Variants in JAK1 observed in about 807,000 individuals in gnomAD.
JAK1 encodes the protein tyrosine-protein kinase JAK1.
In JAK1, 16 loss-of-function variants were observed where a neutral mutation model predicts 136.6. The ratio of observed to expected loss-of-function variants is 0.12; its 90% CI spans 0.08 to 0.18. The LOEUF (loss-of-function observed/expected upper bound fraction) is 0.18. Among genes scored for constraint, JAK1 ranks in the 10% least tolerant of loss-of-function variants. The pLI, the probability that JAK1 is intolerant of heterozygous loss-of-function variation, is 1.00. For synonymous variants in JAK1, 492 were observed against 519.5 expected, an observed-to-expected ratio of 0.95 and a Z score of 0.72; for missense variants, 859 against 1,450.1, an observed-to-expected ratio of 0.59 and a Z score of 6.62.
chr1:64,839,296 T>C (rs956560649), intron 20 of JAK1, among the ~76,000 whole-genome samples: 8 of 152,304 alleles, frequency 5.3e-5, no homozygotes, highest in Admixed American at 3.9e-4. Context: ...CTGGCTAGTA[T>C]TGGATCAGAA....
intron 1 of JAK1, among the ~76,000 whole-genome samples, chr1:64,929,534 A>T (rs1203905867): frequency 6.6e-6 from 1 of 152,222 alleles, no homozygotes; most frequent in African/African-American, 2.4e-5. Flanking sequence ...AACCCAAGTT[A>T]AAATTCAGTG....
At chr1:64,944,406 G>T (rs1294175831) in intron 1 of JAK1, among the ~76,000 whole-genome samples, 1 of 152,082 alleles carries the variant, frequency 6.6e-6, no homozygotes, top group African/African-American at 2.4e-5. Flanking sequence ...CTTTTGGAGA[G>T]CAATGTGTAC....
intron 2 of JAK1, among the ~76,000 whole-genome samples, chr1:65,019,902 CGA>C (rs1264703856): frequency 2.2e-5 from 3 of 136,114 alleles, no homozygotes; most frequent in Admixed American, 7.5e-5. Context: ...GGTGACAGAG[CGA>C]GACTCTGTCT....
chr1:65,024,675 AAAAAAG>A (rs1385045602), intron 2 of JAK1, among the ~76,000 whole-genome samples: 2 of 151,134 alleles, frequency 1.3e-5, no homozygotes, highest in African/African-American at 2.4e-5. Flanking sequence ...AAAAAAAAAA[AAAAAAG>A]AAAGAAAAAA....
chr1:64,850,754 C>G (rs1295897627), intron 12 of JAK1, 50 bp downstream of exon 12: 1 of 1,242,846 alleles, frequency 8.0e-7, no homozygotes, highest in Non-Finnish European at 1.2e-6. Flanking sequence ...GCTGCTCCAT[C>G]GTGGGGAGGC....
chr1:64,864,856 G>A lies in JAK1; in HGVS notation c.1107C>T (p.Phe369=), dbSNP rs2101102251. Residue 369 remains phenylalanine (F), a synonymous_variant, in exon 8 of 25, where the codon TTC becomes TTT. Coordinates refer to ENST00000342505, the MANE Select transcript of JAK1 (RefSeq NM_002227.4). ...IREEWNNFSY[F]PEITHIVIKE... ...TTATTACAATGTGAGTGATTTCAGG[G>A]AAGTAAGAAAAATTGTTCCACTCTT... The A allele has an allele frequency of 6.2e-7, 1 of 1,613,848 alleles. No individual in the cohort carries two copies. Among genetic ancestry groups the A allele is most frequent in the Non-Finnish European group, 8.5e-7 (1 of 1,179,764 alleles).
intron 2 of JAK1, among the ~76,000 whole-genome samples, chr1:64,988,982 A>ATGTG (rs1244529592): frequency 7.8e-4 from 100 of 128,576 alleles, no homozygotes; most frequent in Admixed American, 2.5e-3. Flanking sequence ...ATATATGTAT[A>ATGTG]TGTGTGTGTG....
chr1:64,873,765 G>A (rs1447198213), intron 4 of JAK1, among the ~76,000 whole-genome samples: 4 of 152,282 alleles, frequency 2.6e-5, no homozygotes, highest in South Asian at 4.1e-4. Flanking sequence ...AGATCACAAA[G>A]ACAGCTCCTC....
rs185048786 is a variant in JAK1 at position 64,857,970 on chromosome 1, G to A, written c.1335-191C>T. 9.2e-5 allele frequency among the ~76,000 whole-genome samples: 14 copies of A among 152,282 alleles called. No individual in the cohort carries two copies. In the South Asian group the frequency reaches 2.1e-3, roughly 23 times the overall value. On this transcript the variant is annotated intron_variant, in intron 9 of 24. Coordinates refer to ENST00000342505, the MANE Select transcript of JAK1 (RefSeq NM_002227.4). ...GGAAATACCGAGTGGCCTCAGGACC[G>A]ATGGAGTCTCCAAGGTTGAGAAGAG...
intron 1 of JAK1, among the ~76,000 whole-genome samples, chr1:64,891,918 G>A (rs1057131568): frequency 6.6e-6 from 1 of 152,212 alleles, no homozygotes; most frequent in African/African-American, 2.4e-5. Flanking sequence ...ATAAACTAGG[G>A]ATGATTAAAT....
chr1:64,838,146 C>A, intron 21 of JAK1, 42 bp from the exon 22 acceptor site: 3 of 1,551,200 alleles, frequency 1.9e-6, no homozygotes, highest in Non-Finnish European at 2.6e-6. Context: ...GCTAAAGTCA[C>A]TTTAGATTGT....
intron 1 of JAK1, among the ~76,000 whole-genome samples, chr1:64,935,333 C>G (rs1458440665): frequency 6.6e-6 from 1 of 152,194 alleles, no homozygotes; most frequent in Non-Finnish European, 1.5e-5. Context: ...GAGTTTCACT[C>G]TTGTTGCCCA....
chr1:64,961,796 A>G (rs965531116), intron 1 of JAK1, among the ~76,000 whole-genome samples: 2 of 152,220 alleles, frequency 1.3e-5, no homozygotes, highest in African/African-American at 4.8e-5. Flanking sequence ...CCACGCAGGA[A>G]TTAGCTCTCT....
intron 6 of JAK1, among the ~76,000 whole-genome samples, chr1:64,868,309 A>C (rs1342587505): frequency 6.6e-6 from 1 of 152,018 alleles, no homozygotes; most frequent in Non-Finnish European, 1.5e-5. Flanking sequence ...TCTGCTTGTT[A>C]CTCCCAGGAC....
intron 2 of JAK1, among the ~76,000 whole-genome samples, chr1:64,988,942 GTATGTGTATATA>G (rs200789064): frequency 0.054 from 7,682 of 142,136 alleles, 278 homozygotes; most frequent in South Asian, 0.11. Context: ...ATATATATAT[GTATGTGTATATA>G]TATGTATGTA....
intron 3 of JAK1, among the ~76,000 whole-genome samples, chr1:64,881,923 A>C (rs1262648744): frequency 6.6e-6 from 1 of 152,214 alleles, no homozygotes; most frequent in East Asian, 1.9e-4. Context: ...CTCAAGGGGA[A>C]AGGGAGAAAA....
At chr1:64,875,651 C>T (rs892250241) in intron 4 of JAK1, among the ~76,000 whole-genome samples, 10 of 152,336 alleles carry the variant, frequency 6.6e-5, no homozygotes, top group Non-Finnish European at 1.0e-4. Flanking sequence ...TTGTAATTTA[C>T]GAAAGTGACT....
chr1:64,983,345 C>G (rs1025807741), intron 2 of JAK1, among the ~76,000 whole-genome samples: 9 of 152,154 alleles, frequency 5.9e-5, no homozygotes, highest in African/African-American at 2.2e-4. Context: ...GTCATGGTAA[C>G]AGACATAGAC....
chr1:64,837,703 A>AT (rs1277719476), intron 22 of JAK1, among the ~76,000 whole-genome samples: 2 of 152,224 alleles, frequency 1.3e-5, no homozygotes, highest in African/African-American at 4.8e-5. Context: ...ATTCCTTGGA[A>AT]GACGGTGTCA....
Sources: allele counts gnomAD v4.1 joint callset (sites outside exome capture counted in the v4.1 genomes callset), GRCh38; gene constraint gnomAD v4.1.1; transcripts MANE v1.5; gene names NCBI Gene and HGNC (gene_info 2026-07-23, HGNC 2026-07-21).